AGBL1: variants seen among roughly 807,000 people sequenced by gnomAD.
AGBL1 encodes AGBL carboxypeptidase 1.
Under a neutral mutation model 118.9 loss-of-function variants are expected in AGBL1, and 130 were observed. The observed-to-expected ratio is 1.09, with a 90% CI of 0.95 to 1.26. AGBL1 has a LOEUF of 1.26. Among genes scored for constraint, AGBL1 ranks in the 50% most tolerant of loss-of-function variants. The probability of loss-of-function intolerance (pLI) is 0.00; values close to 1 mark genes in which losing one functional copy is unlikely to be tolerated. For synonymous variants in AGBL1, 555 were observed against 478.9 expected (o/e 1.16, Z -2.08); for missense variants, 1,584 against 1,298.1 (o/e 1.22, Z -3.38).
intron 5 of AGBL1, among the ~76,000 whole-genome samples, chr15:86,168,760 T>C (rs1191943167): frequency 6.6e-6 from 1 of 152,224 alleles, no homozygotes; most frequent in Non-Finnish European, 1.5e-5. Flanking sequence ...GTCCATTTAA[T>C]TGAATCCTCA....
intron 21 of AGBL1, among the ~76,000 whole-genome samples, chr15:86,662,057 C>CT (rs1426107675): frequency 6.6e-6 from 1 of 152,182 alleles, no homozygotes; most frequent in Non-Finnish European, 1.5e-5. Flanking sequence ...CTTCTGAATA[C>CT]TTGGCCTTTC....
intron 22 of AGBL1, among the ~76,000 whole-genome samples, chr15:86,883,982 A>C (rs2079933635): frequency 6.6e-6 from 1 of 152,254 alleles, no homozygotes; most frequent in African/African-American, 2.4e-5. Flanking sequence ...ACTGAACTCT[A>C]TATATACTAT....
intron 5 of AGBL1, among the ~76,000 whole-genome samples, chr15:86,208,786 A>AT (rs2078040161): frequency 6.6e-6 from 1 of 152,024 alleles, no homozygotes; most frequent in Admixed American, 6.6e-5. Context: ...GGATTCATTG[A>AT]TTTTTTGAAG....
At chr15:86,746,196 A>G (rs981557294) in intron 22 of AGBL1, among the ~76,000 whole-genome samples, 2 of 152,114 alleles carry the variant, frequency 1.3e-5, no homozygotes, top group African/African-American at 4.8e-5. Flanking sequence ...GACAAGATGA[A>G]GTAGACTCCT....
At chr15:86,987,919 TATA>T (rs2081300211) in intron 23 of AGBL1, 5 of 1,546,142 alleles carry the variant, frequency 3.2e-6, no homozygotes, top group African/African-American at 1.4e-5. Flanking sequence ...AAAATCCATC[TATA>T]ATAATATGTG....
chr15:86,993,889 C>T (rs1191705571), intron 24 of AGBL1, among the ~76,000 whole-genome samples: 5 of 151,942 alleles, frequency 3.3e-5, no homozygotes, highest in Non-Finnish European at 7.4e-5. Context: ...TGGCAGAAAC[C>T]GGGACTCCTC....
chr15:86,200,205 C>G (rs913108159), intron 5 of AGBL1, among the ~76,000 whole-genome samples: 1 of 152,018 alleles, frequency 6.6e-6, no homozygotes, highest in African/African-American at 2.4e-5. Flanking sequence ...ATATTTAAAG[C>G]CTCATTTAGG....
chr15:86,999,368 C>G (rs1456551302), intron 24 of AGBL1, among the ~76,000 whole-genome samples: 1 of 145,136 alleles, frequency 6.9e-6, no homozygotes, highest in African/African-American at 2.6e-5. Flanking sequence ...CTATCCCTCC[C>G]CCCTGCCACC....
intron 1 of AGBL1, among the ~76,000 whole-genome samples, chr15:86,119,655 TTGTGTGTG>T (rs59997626): frequency 0.13 from 19,815 of 148,638 alleles, 1,423 homozygotes; most frequent in African/African-American, 0.18. Context: ...GAAAAGTAGT[TTGTGTGTG>T]TGTGTGTGTG....
At chr15:86,958,944 C>A (rs1203242666) in intron 23 of AGBL1, among the ~76,000 whole-genome samples, 5 of 152,046 alleles carry the variant, frequency 3.3e-5, no homozygotes, top group Middle Eastern at 3.2e-3. Flanking sequence ...AGTATACTTA[C>A]AGTAAGGTAC....
intron 15 of AGBL1, among the ~76,000 whole-genome samples, chr15:86,278,598 C>G (rs1269049823): frequency 6.6e-6 from 1 of 152,172 alleles, no homozygotes; most frequent in Non-Finnish European, 1.5e-5. Flanking sequence ...CAAGAACACA[C>G]AAGAATAATT....
chr15:86,168,179 A>C (rs1025234581), intron 5 of AGBL1, among the ~76,000 whole-genome samples: 4 of 152,170 alleles, frequency 2.6e-5, no homozygotes, highest in African/African-American at 9.7e-5. Flanking sequence ...GATTGTATTG[A>C]TACATGCACA....
intron 18 of AGBL1, among the ~76,000 whole-genome samples, chr15:86,420,054 C>T (rs1218375292): frequency 6.6e-6 from 1 of 152,182 alleles, no homozygotes; most frequent in Admixed American, 6.5e-5. Context: ...AGACTTAAAA[C>T]ATTCCTGCCT....
intron 17 of AGBL1, among the ~76,000 whole-genome samples, chr15:86,329,782 G>A (rs1220322914): frequency 6.6e-6 from 1 of 152,124 alleles, no homozygotes; most frequent in Non-Finnish European, 1.5e-5. Context: ...TCATGCCCAG[G>A]CAGATCTCTA....
chr15:86,658,093 G>T (rs1379879225), intron 21 of AGBL1, among the ~76,000 whole-genome samples: 1 of 151,954 alleles, frequency 6.6e-6, no homozygotes, highest in Non-Finnish European at 1.5e-5. Flanking sequence ...ATATATTCAT[G>T]TATTTATGTA....
intron 21 of AGBL1, among the ~76,000 whole-genome samples, chr15:86,665,007 A>C (rs752746461): frequency 2.0e-5 from 3 of 152,280 alleles, no homozygotes; most frequent in South Asian, 2.1e-4. Context: ...CTCATCGCGC[A>C]TTTCTAACCA....
intron 22 of AGBL1, among the ~76,000 whole-genome samples, chr15:86,772,521 A>C (rs1373825624): frequency 6.6e-6 from 1 of 152,048 alleles, no homozygotes; most frequent in East Asian, 1.9e-4. Flanking sequence ...AACATTGGTA[A>C]ATCATCTGTT....
rs149806547 is a variant in AGBL1, at chr15:86,581,590, C to T, written c.2994+27053C>T. Among the ~76,000 whole-genome samples the T allele has an allele frequency of 6.1e-3, 923 of 152,258 alleles. 16 individuals carry two copies. The highest frequency in any genetic ancestry group is 0.03 in the South Asian group (144 of 4,830). ...CTCATTTACCAGTGGCACCCACTGC[C>T]AGTTTCCATAACAAATCAATTTGTG... On this transcript the variant is annotated intron_variant, in intron 21 of 22. Coordinates refer to ENST00000614907, the MANE Select transcript of AGBL1 (RefSeq NM_001386094.1).
intron 22 of AGBL1, among the ~76,000 whole-genome samples, chr15:86,869,390 T>A (rs1309834207): frequency 6.6e-6 from 1 of 152,126 alleles, no homozygotes. Context: ...CCGCTCAACA[T>A]CCTTGGATTA....
Sources: allele counts gnomAD v4.1 joint callset (sites outside exome capture counted in the v4.1 genomes callset), GRCh38; gene constraint gnomAD v4.1.1; transcripts MANE v1.5; gene names NCBI Gene and HGNC (gene_info 2026-07-23, HGNC 2026-07-21).